The following MYOM3 variants were observed in gnomAD, a reference collection of about 807,000 sequenced individuals.
MYOM3 encodes myomesin 3.
MYOM3 carries 155 observed loss-of-function variants against 191.7 expected under a neutral mutation model. The ratio of observed to expected loss-of-function variants is 0.81; its 90% CI spans 0.71 to 0.92. MYOM3 has a LOEUF of 0.92. Among genes scored for constraint, MYOM3 ranks in the 40% least tolerant of loss-of-function variants. MYOM3 has a pLI of 0.00. For synonymous variants in MYOM3, 757 were observed against 762.9 expected (o/e 0.99, Z 0.13); for missense variants, 1,889 against 1,890.6 (o/e 1.00, Z 0.02).
rs780135379 is a variant in MYOM3, at chr1:24,086,818, C to T, written c.1624G>A (p.Gly542Ser). The T allele has an allele frequency of 3.1e-6, 5 of 1,613,914 alleles. No individual in the cohort carries two copies. The East Asian group carries it at 1.1e-4, about 36-fold the overall frequency. Residue 542 changes from glycine (G) to serine (S), a missense_variant, in exon 15 of 37, where the codon GGT becomes AGT. Coordinates refer to ENST00000374434, the MANE Select transcript of MYOM3 (RefSeq NM_152372.4). ...LTYSLEKSVIGSGTWEAISSE... is the reference protein window; with the variant it reads ...LTYSLEKSVISSGTWEAISSE... ...CTGATGGCCTCCCAGGTGCCACTAC[C>T]TATGACTGACTGAAGAAACAGAGGG...
At chr1:24,078,280 A>C (rs1460322118) in intron 20 of MYOM3, among the ~76,000 whole-genome samples, 1 of 151,896 alleles carries the variant, frequency 6.6e-6, no homozygotes, top group Admixed American at 6.6e-5. Flanking sequence ...ACACATGGCT[A>C]ATTTTTGTAT....
intron 29 of MYOM3, 92 bp from the exon 30 acceptor site, chr1:24,064,251 C>T: frequency 3.2e-6 from 3 of 926,002 alleles, no homozygotes; most frequent in Admixed American, 2.0e-5. Context: ...CAGGCCTGCC[C>T]CTCACTCTCT....
chr1:24,071,789 C>A (rs369246744), intron 24 of MYOM3, among the ~76,000 whole-genome samples, 180 bp downstream of exon 24: 1 of 152,226 alleles, frequency 6.6e-6, no homozygotes, highest in African/African-American at 2.4e-5. Context: ...CCCTTTCCTG[C>A]TGCTCTTTTC....
rs768572077 is a variant in MYOM3, at chr1:24,094,877, C to G, written c.904G>C (p.Glu302Gln). Residue 302 changes from glutamate (E) to glutamine (Q), a missense_variant, in exon 9 of 37, where the codon GAG becomes CAG. Glu to Gln is a conservative substitution (Grantham distance 29). Coordinates refer to ENST00000374434, the MANE Select transcript of MYOM3 (RefSeq NM_152372.4). ...CCATCTCGGAACCACTGGATGCTCT[C>G]AGCATCTAACACATCTTCCGAAAAC... Reference protein sequence around the residue: ...CLFSEDVLDAESIQWFRDGSL... With the variant: ...CLFSEDVLDAQSIQWFRDGSL... 5.6e-6 allele frequency: 9 copies of G among 1,613,630 alleles called. No individual in the cohort carries two copies. The highest frequency in any genetic ancestry group is 7.6e-6 in the Non-Finnish European group (9 of 1,179,768).
Position 24,066,326 on chromosome 1 carries a change from CT to C in MYOM3, c.3424-326del, listed in dbSNP as rs1214912035. On this transcript the variant is annotated intron_variant, in intron 28 of 36. Coordinates refer to ENST00000374434, the MANE Select transcript of MYOM3 (RefSeq NM_152372.4). The stretch of plus-strand genomic sequence containing the variant: ...CCATCCGGGTCAAGCATGAGGGATG[CT>C]GTTTTCCAATGGTCCTGCCTTGAAC... 28 of 673,566 alleles carry C rather than the reference CT, an allele frequency of 4.2e-5. No individual in the cohort carries two copies. In the African/African-American group the frequency reaches 4.8e-4, roughly 12 times the overall value. The allele number at this position is 673,566 out of a possible 1,614,324, so 41.7% of individuals were successfully genotyped here.
intron 15 of MYOM3, among the ~76,000 whole-genome samples, chr1:24,086,160 G>A (rs1643735804): frequency 6.6e-6 from 1 of 152,182 alleles, no homozygotes; most frequent in African/African-American, 2.4e-5. Flanking sequence ...GGGTTTGCCA[G>A]TTGAGGACAG....
chr1:24,061,844 A>C, intron 33 of MYOM3, 102 bp downstream of exon 33: 1 of 1,305,344 alleles, frequency 7.7e-7, no homozygotes. Flanking sequence ...CTCCCACTTC[A>C]GCCTCCCAAA....
intron 11 of MYOM3, 133 bp from the exon 12 acceptor site, chr1:24,091,129 C>T: frequency 1.9e-6 from 2 of 1,063,312 alleles, no homozygotes; most frequent in South Asian, 1.7e-5. Flanking sequence ...TTCTTCTCTC[C>T]AATGGAAGAG....
chr1:24,107,544 T>G (rs1345736951), intron 3 of MYOM3, among the ~76,000 whole-genome samples: 1 of 152,172 alleles, frequency 6.6e-6, no homozygotes, highest in Non-Finnish European at 1.5e-5. Context: ...CTTAGCAACT[T>G]GCTTCAGGTC....
chr1:24,095,705 A>G (rs1424620587), intron 7 of MYOM3, among the ~76,000 whole-genome samples: 2 of 152,202 alleles, frequency 1.3e-5, no homozygotes, highest in African/African-American at 2.4e-5. Flanking sequence ...GCGGGTTCAC[A>G]TGAATCAAGC....
rs747898611 is a variant in MYOM3 at position 24,058,977 on chromosome 1, G to A, written c.3997C>T (p.Arg1333Cys). Reference protein sequence around the residue: ...LKTLAIIEKNRAKVVRGLPDV... With the variant: ...LKTLAIIEKNCAKVVRGLPDV... ...GGCAGACCTCTCACCACTTTGGCAC[G>A]ATCTGGAAGGGAAATAAGAGACCCC... is the stretch of plus-strand genomic sequence containing the variant. The change falls in exon 36 of 37, where the codon CGT becomes TGT. Residue 1333 changes from arginine (R) to cysteine (C), a missense_variant and splice_region_variant. By Grantham distance (180) the Arg-to-Cys change is radical (BLOSUM62 -3). Coordinates refer to ENST00000374434, the MANE Select transcript of MYOM3 (RefSeq NM_152372.4). The A allele has an allele frequency of 3.4e-5, 54 of 1,610,532 alleles. No homozygotes were observed. The highest frequency in any genetic ancestry group is 5.0e-5 in the Admixed American group (3 of 59,716).
intron 21 of MYOM3, 38 bp from the exon 22 acceptor site, chr1:24,075,513 T>C: frequency 6.5e-7 from 1 of 1,526,736 alleles, no homozygotes; most frequent in Non-Finnish European, 8.8e-7. Context: ...CGGATGTTTA[T>C]GCATAATAAA....
chr1:24,067,065 G>A lies in MYOM3; in HGVS notation c.3379C>T (p.Gln1127Ter). Reference sequence around the variant, plus strand: ...TGGCAGTCCTCCGTGACCTTCCACTGCAACGGCCGCTCAAAATAGGGACCT... The same window carrying A: ...TGGCAGTCCTCCGTGACCTTCCACTACAACGGCCGCTCAAAATAGGGACCT... ...KQGPYFERPL[Q>*]WKVTEDCQVQ... Residue 1127 changes from glutamine to a stop codon, truncating the protein, a stop_gained, in exon 28 of 37, where the codon CAG becomes TAG. Transcript: ENST00000374434. LOFTEE classifies it high-confidence loss of function. The A allele has an allele frequency of 6.3e-7, 1 of 1,578,886 alleles. No homozygotes were observed. The highest frequency in any genetic ancestry group is 1.8e-5 in the Admixed American group (1 of 56,176).
Position 24,108,591 on chromosome 1 carries a change from G to GA in MYOM3, c.45_46insT (p.Pro16SerfsTer44), listed in dbSNP as rs779601749. 1.2e-5 allele frequency: 19 copies of GA among 1,568,928 alleles called. No homozygotes were observed. In the South Asian group the frequency reaches 2.2e-4, roughly 18 times the overall value. ...AGCCTGTGAACCTCCATGGCCTGGG[G>GA]GGGCCGGGGGTCCCCCGCACCTCCC... On this transcript the variant is annotated frameshift_variant, in exon 2 of 37. Coordinates refer to ENST00000374434, the MANE Select transcript of MYOM3 (RefSeq NM_152372.4). LOFTEE classifies it high-confidence loss of function.
At chr1:24,085,483 G>A (rs1157896539) in intron 15 of MYOM3, among the ~76,000 whole-genome samples, 1 of 152,112 alleles carries the variant, frequency 6.6e-6, no homozygotes, top group Non-Finnish European at 1.5e-5. Flanking sequence ...ACATCCTTTG[G>A]TTGTTCTCTA....
chr1:24,071,537 G>T (rs1643532111), intron 24 of MYOM3, among the ~76,000 whole-genome samples: 2 of 152,110 alleles, frequency 1.3e-5, no homozygotes, highest in Non-Finnish European at 2.9e-5. Flanking sequence ...TAGCATCTGG[G>T]CTCCACCCTC....
chr1:24,071,907 A>G, intron 24 of MYOM3, 62 bp downstream of exon 24: 2 of 1,550,086 alleles, frequency 1.3e-6, no homozygotes, highest in South Asian at 2.2e-5. Flanking sequence ...TGCTCTGCTC[A>G]GAACATGCCA....
chr1:24,073,884 A>T (rs890196260), intron 23 of MYOM3, among the ~76,000 whole-genome samples: 6 of 136,190 alleles, frequency 4.4e-5, no homozygotes, highest in African/African-American at 5.3e-5. Context: ...AAAAAAAAAA[A>T]GGTGGGAAAA....
Position 24,062,053 on chromosome 1 carries a change from A to T in MYOM3, c.3827T>A (p.Ile1276Asn). 6.2e-7 allele frequency: 1 copy of T among 1,614,072 alleles called. No individual in the cohort carries two copies. The highest frequency in any genetic ancestry group is 8.5e-7 in the Non-Finnish European group (1 of 1,180,020). Residue 1276 changes from isoleucine to asparagine, a missense_variant, in exon 33 of 37, where the codon ATC becomes AAC. Coordinates refer to ENST00000374434, the MANE Select transcript of MYOM3 (RefSeq NM_152372.4). Reference sequence around the variant, plus strand: ...TTTGGGGTCCAGGATGTGAAGCCAGATCTCATCCAGGGTGGTGCCCGTCCT... The same window carrying T: ...TTTGGGGTCCAGGATGTGAAGCCAGTTCTCATCCAGGGTGGTGCCCGTCCT... ...RIRTGTTLDE[I>N]WLHILDPKDS... is the part of the protein sequence containing the mutation.
Sources: allele counts gnomAD v4.1 joint callset (sites outside exome capture counted in the v4.1 genomes callset), GRCh38; gene constraint gnomAD v4.1.1; transcripts MANE v1.5; gene names NCBI Gene and HGNC (gene_info 2026-07-23, HGNC 2026-07-21).